NKAIN3: variants seen among roughly 807,000 people sequenced by gnomAD.
NKAIN3 encodes the protein sodium/potassium-transporting ATPase subunit beta-1-interacting protein 3.
A neutral mutation model predicts 30.2 loss-of-function variants in NKAIN3; 25 were observed. That is an observed-to-expected ratio of 0.83 (90% CI 0.60 to 1.16). The LOEUF is 1.16. Among genes scored for constraint, NKAIN3 ranks in the 50% most tolerant of loss-of-function variants. NKAIN3 has a pLI of 0.00. For missense variants in NKAIN3, 225 were observed against 254.1 expected (o/e 0.89, Z 0.78); for synonymous variants, 91 against 89.6 (o/e 1.02, Z -0.09).
intron 6 of NKAIN3, among the ~76,000 whole-genome samples, chr8:62,963,802 C>A (rs187182476): frequency 8.9e-4 from 136 of 152,136 alleles, no homozygotes; most frequent in African/African-American, 3.2e-3. Flanking sequence ...CTGGGGCGTG[C>A]AGGAGGGAGT....
At chr8:62,386,794 C>T (rs1181931225) in intron 1 of NKAIN3, among the ~76,000 whole-genome samples, 1 of 152,052 alleles carries the variant, frequency 6.6e-6, no homozygotes, top group Admixed American at 6.6e-5. Flanking sequence ...AGTTATCTTA[C>T]CTTTCTAAGT....
chr8:62,522,682 T>TA (rs1221129046), intron 1 of NKAIN3, among the ~76,000 whole-genome samples: 1 of 151,612 alleles, frequency 6.6e-6, no homozygotes, highest in African/African-American at 2.4e-5. Context: ...TAATTTTTAA[T>TA]AAAAAAGTTT....
chr8:62,443,968 T>TTA (rs1310169367), intron 1 of NKAIN3, among the ~76,000 whole-genome samples: 2 of 152,268 alleles, frequency 1.3e-5, no homozygotes, highest in Admixed American at 1.3e-4. Flanking sequence ...TAGCGTTACT[T>TTA]TATATATAAA....
intron 1 of NKAIN3, among the ~76,000 whole-genome samples, chr8:62,424,811 C>T (rs1397358011): frequency 6.6e-6 from 1 of 151,824 alleles, no homozygotes; most frequent in African/African-American, 2.4e-5. Context: ...TCCAAAAGAA[C>T]TGAAATTGGA....
chr8:62,731,709 G>A (rs898796472), intron 3 of NKAIN3, among the ~76,000 whole-genome samples: 1 of 152,116 alleles, frequency 6.6e-6, no homozygotes, highest in Non-Finnish European at 1.5e-5. Context: ...AGTGCCCTTT[G>A]GTGGGGAGGA....
chr8:62,802,362 C>A (rs945697000), intron 4 of NKAIN3, among the ~76,000 whole-genome samples: 5 of 152,140 alleles, frequency 3.3e-5, no homozygotes, highest in Non-Finnish European at 1.5e-5. Flanking sequence ...TTAAGGGCAG[C>A]CAGAGAGAAA....
intron 1 of NKAIN3, among the ~76,000 whole-genome samples, chr8:62,555,504 A>T (rs1474263204): frequency 1.3e-5 from 2 of 152,046 alleles, no homozygotes; most frequent in Admixed American, 6.6e-5. Context: ...GTGTGAAAAT[A>T]TTTCTAAGGA....
At chr8:62,621,758 C>A (rs771727644) in intron 3 of NKAIN3, among the ~76,000 whole-genome samples, 5 of 151,926 alleles carry the variant, frequency 3.3e-5, no homozygotes, top group Non-Finnish European at 7.4e-5. Flanking sequence ...CTTTTGATGT[C>A]AAGTCTCAGA....
chr8:62,579,302 C>T (rs1810217929), intron 1 of NKAIN3, among the ~76,000 whole-genome samples: 1 of 151,936 alleles, frequency 6.6e-6, no homozygotes, highest in Admixed American at 6.6e-5. Flanking sequence ...TCTCACTCTC[C>T]AGATAGATTT....
intron 6 of NKAIN3, among the ~76,000 whole-genome samples, chr8:62,963,326 C>A (rs1472432588): frequency 6.6e-6 from 1 of 152,206 alleles, no homozygotes; most frequent in Non-Finnish European, 1.5e-5. Flanking sequence ...TGTTTCCCAG[C>A]TCCTGAAGTA....
At chr8:62,921,854 C>A (rs16929853) in intron 5 of NKAIN3, among the ~76,000 whole-genome samples, 13,545 of 152,150 alleles carry the variant, frequency 0.089, 635 homozygotes, top group South Asian at 0.15. Context: ...GTTAGACTTT[C>A]CAGAAATAAT....
chr8:62,987,168 C>G (rs938590551), downstream of NKAIN3, among the ~76,000 whole-genome samples: 1 of 152,070 alleles, frequency 6.6e-6, no homozygotes, highest in Admixed American at 6.6e-5. Flanking sequence ...GGCTGAATCG[C>G]TTGAGTTCAG....
chr8:62,829,371 C>T (rs936131290), intron 4 of NKAIN3, among the ~76,000 whole-genome samples: 6 of 152,042 alleles, frequency 3.9e-5, no homozygotes, highest in Non-Finnish European at 7.4e-5. Context: ...TTCAGTCACA[C>T]TGAAAAGATT....
At chr8:62,494,891 C>T (rs2129643441) in intron 1 of NKAIN3, among the ~76,000 whole-genome samples, 3 of 152,036 alleles carry the variant, frequency 2.0e-5, no homozygotes, top group Middle Eastern at 6.8e-3. Context: ...TTATTTGGAT[C>T]TTCTCTCTTT....
intron 3 of NKAIN3, among the ~76,000 whole-genome samples, chr8:62,667,123 G>A (rs1445455899): frequency 7.6e-6 from 1 of 131,996 alleles, no homozygotes; most frequent in African/African-American, 2.9e-5. Flanking sequence ...ACAGGAAGGG[G>A]AACATCACAC....
chr8:62,596,342 T>C (rs1810834074), intron 3 of NKAIN3, among the ~76,000 whole-genome samples: 2 of 152,034 alleles, frequency 1.3e-5, no homozygotes, highest in Non-Finnish European at 1.5e-5. Flanking sequence ...GCAGCTCTTT[T>C]GGCTTCAATA....
intron 4 of NKAIN3, among the ~76,000 whole-genome samples, chr8:62,917,461 T>A (rs983050122): frequency 1.3e-5 from 2 of 152,172 alleles, no homozygotes; most frequent in Non-Finnish European, 2.9e-5. Flanking sequence ...CTCTCAGGGC[T>A]TCTTGGCCTT....
intron 1 of NKAIN3, among the ~76,000 whole-genome samples, chr8:62,438,444 G>A (rs1379272412): frequency 6.6e-6 from 1 of 152,050 alleles, no homozygotes; most frequent in African/African-American, 2.4e-5. Context: ...TGGCTCCTGG[G>A]GGCACTTGTG....
chr8:62,675,752 G>T (rs1373215276), intron 3 of NKAIN3, among the ~76,000 whole-genome samples: 1 of 152,166 alleles, frequency 6.6e-6, no homozygotes, highest in East Asian at 1.9e-4. Flanking sequence ...CTCATAGGAA[G>T]TTCCTTATAA....
Sources: allele counts gnomAD v4.1 joint callset (sites outside exome capture counted in the v4.1 genomes callset), GRCh38; gene constraint gnomAD v4.1.1; transcripts MANE v1.5; gene names NCBI Gene and HGNC (gene_info 2026-07-23, HGNC 2026-07-21).